GOLGA5: variants seen among roughly 807,000 people sequenced by gnomAD.
GOLGA5 encodes golgin A5.
In GOLGA5, 50 loss-of-function variants were observed where a neutral mutation model predicts 93.5. The observed-to-expected ratio is 0.53, with a 90% confidence interval of 0.43 to 0.68. The LOEUF is 0.68. Among genes scored for constraint, GOLGA5 ranks in the 30% least tolerant of loss-of-function variants. The probability of loss-of-function intolerance (pLI) is 0.00; values close to 1 mark genes in which losing one functional copy is unlikely to be tolerated. For missense variants in GOLGA5, 760 were observed against 856.4 expected, an observed-to-expected ratio of 0.89 and a Z score of 1.40; for synonymous variants, 312 against 304.5, an observed-to-expected ratio of 1.02 and a Z score of -0.26.
At chr14:92,815,919 A>G (rs1053514090) in intron 6 of GOLGA5, among the ~76,000 whole-genome samples, 20 of 151,656 alleles carry the variant, frequency 1.3e-4, no homozygotes, top group African/African-American at 4.6e-4. Context: ...ATTAGCCAGG[A>G]TGGTCTCGAC....
intron 9 of GOLGA5, among the ~76,000 whole-genome samples, chr14:92,829,441 A>G (rs1213489055): frequency 6.6e-6 from 1 of 152,144 alleles, no homozygotes; most frequent in Non-Finnish European, 1.5e-5. Context: ...AGGAGTGTGG[A>G]AGAAGCTGAT....
intron 10 of GOLGA5, among the ~76,000 whole-genome samples, chr14:92,834,040 T>G (rs1285160676): frequency 1.3e-5 from 2 of 151,566 alleles, no homozygotes; most frequent in Admixed American, 6.6e-5. Context: ...TAATTGTTAA[T>G]TACAAGTAAA....
intron 6 of GOLGA5, among the ~76,000 whole-genome samples, chr14:92,814,134 T>G (rs1885156212): frequency 6.6e-6 from 1 of 151,834 alleles, no homozygotes; most frequent in African/African-American, 2.4e-5. Flanking sequence ...TAATTAGAAG[T>G]AAGTTGGGAG....
At chr14:92,819,602 C>A in intron 7 of GOLGA5, 106 bp from the exon 8 acceptor site, 1 of 1,055,724 alleles carries the variant, frequency 9.5e-7, no homozygotes, top group Non-Finnish European at 1.4e-6. Flanking sequence ...CACTGCACTC[C>A]AGCCTGGGTG....
intron 2 of GOLGA5, among the ~76,000 whole-genome samples, chr14:92,802,151 A>T (rs1384883091): frequency 6.6e-6 from 1 of 152,180 alleles, no homozygotes; most frequent in Non-Finnish European, 1.5e-5. Flanking sequence ...GAGTTTTCTT[A>T]TCCACCAATG....
intron 9 of GOLGA5, among the ~76,000 whole-genome samples, chr14:92,825,449 G>A (rs1321994239): frequency 1.3e-5 from 2 of 152,204 alleles, no homozygotes; most frequent in African/African-American, 4.8e-5. Context: ...GTCACGTGAT[G>A]TGCTAGCAGA....
Position 92,831,770 on chromosome 14 carries a change from G to T in GOLGA5, c.1720-1352G>T, listed in dbSNP as rs1251583681. Among the ~76,000 whole-genome samples, 7 of 152,104 alleles carry T rather than the reference G, an allele frequency of 4.6e-5. No homozygotes were observed. The East Asian group carries it at 1.2e-3, about 25-fold the overall frequency. ...AAATTCCATCTGGTAGTTATTTGTT[G>T]TGGTGTGCTTAATTTGTGGGGAGTG... On this transcript the variant is annotated intron_variant, in intron 9 of 12. Transcript: ENST00000163416.
At chr14:92,836,744 C>G (rs1341970661) in intron 11 of GOLGA5, among the ~76,000 whole-genome samples, 1 of 152,116 alleles carries the variant, frequency 6.6e-6, no homozygotes, top group Admixed American at 6.5e-5. Flanking sequence ...CCCACCTAAT[C>G]TTTCGTAACT....
chr14:92,806,316 T>G (rs900001482), intron 2 of GOLGA5, among the ~76,000 whole-genome samples: 3 of 152,178 alleles, frequency 2.0e-5, no homozygotes, highest in Non-Finnish European at 4.4e-5. Context: ...TGTTTATTTA[T>G]GTATTTTTTT....
chr14:92,830,905 ATAACTTTT>A (rs1201070479), intron 9 of GOLGA5, among the ~76,000 whole-genome samples: 2 of 152,170 alleles, frequency 1.3e-5, no homozygotes, highest in African/African-American at 4.8e-5. Context: ...TGGCCTAAAT[ATAACTTTT>A]ATATGCACTG....
chr14:92,836,706 CTT>C (rs1162535115), intron 11 of GOLGA5, among the ~76,000 whole-genome samples: 1 of 152,092 alleles, frequency 6.6e-6, no homozygotes, highest in Non-Finnish European at 1.5e-5. Context: ...CAACCAGACT[CTT>C]TTTTTCCCCA....
intron 9 of GOLGA5, among the ~76,000 whole-genome samples, chr14:92,828,793 C>T (rs1885470468): frequency 6.6e-6 from 1 of 152,144 alleles, no homozygotes; most frequent in Admixed American, 6.5e-5. Context: ...CTTGGTCTCC[C>T]AAGTAACTGG....
intron 5 of GOLGA5, 115 bp from the exon 6 acceptor site, chr14:92,811,436 C>T: frequency 1.3e-6 from 1 of 741,848 alleles, no homozygotes; most frequent in Non-Finnish European, 2.3e-6. Context: ...TTTCCCATCC[C>T]TACTATGTTG....
At position 92,812,826 on chromosome 14, in the gene GOLGA5, C is replaced by T. The variant is rs1885129964; in HGVS notation, c.1320+1072C>T. Among the ~76,000 whole-genome samples, 7 of 152,270 alleles carry T rather than the reference C, an allele frequency of 4.6e-5. No individual in the cohort carries two copies. In the South Asian group the frequency reaches 1.2e-3, roughly 27 times the overall value. On this transcript the variant is annotated intron_variant, in intron 6 of 12. Coordinates refer to ENST00000163416, the MANE Select transcript of GOLGA5 (RefSeq NM_005113.4). Reference sequence around the variant, plus strand: ...CCAATCTCCAAAGAGTCAGAGTCCTCCTAAGCTCTGTCCTGAACCCTCTTT... The same window carrying T: ...CCAATCTCCAAAGAGTCAGAGTCCTTCTAAGCTCTGTCCTGAACCCTCTTT...
chr14:92,807,017 A>G (rs1885001870), intron 3 of GOLGA5, 54 bp downstream of exon 3: 1 of 1,264,028 alleles, frequency 7.9e-7, no homozygotes, highest in Non-Finnish European at 1.2e-6. Context: ...AATAAACTTA[A>G]GGCTGGACGC....
rs760408276 is a variant in GOLGA5 at position 92,809,474 on chromosome 14, G to A, written c.947G>A (p.Ser316Asn). 1 of 1,613,826 alleles carries A rather than the reference G, an allele frequency of 6.2e-7. No individual in the cohort carries two copies. The highest frequency in any genetic ancestry group is 8.5e-7 in the Non-Finnish European group (1 of 1,179,898). The change falls in exon 4 of 13, where the codon AGT becomes AAT. Residue 316 changes from serine (S) to asparagine (N), a missense_variant. Transcript: ENST00000163416. ...VRLQEADQLL[S>N]TRTEALEALQ... ...CTCCAGGAAGCTGACCAGCTACTGA[G>A]TACTCGCACAGAAGCATTAGAAGCC...
At chr14:92,833,728 C>G (rs10141567) in intron 10 of GOLGA5, among the ~76,000 whole-genome samples, 12,233 of 152,122 alleles carry the variant, frequency 0.08, 1,692 homozygotes, top group African/African-American at 0.28. Context: ...GTTCACATAA[C>G]CATATCTAAA....
intron 11 of GOLGA5, among the ~76,000 whole-genome samples, chr14:92,835,871 T>C (rs549832123): frequency 2.0e-5 from 3 of 152,306 alleles, no homozygotes; most frequent in African/African-American, 2.4e-5. Context: ...ATTTGAAATA[T>C]CATGTCAGAA....
At chr14:92,827,290 C>T (rs866469848) in intron 9 of GOLGA5, among the ~76,000 whole-genome samples, 80 of 152,230 alleles carry the variant, frequency 5.3e-4, no homozygotes, top group African/African-American at 1.7e-3. Flanking sequence ...ATTTTTCCAA[C>T]AGCATATGCT....
Sources: allele counts gnomAD v4.1 joint callset (sites outside exome capture counted in the v4.1 genomes callset), GRCh38; gene constraint gnomAD v4.1.1; transcripts MANE v1.5; gene names NCBI Gene and HGNC (gene_info 2026-07-23, HGNC 2026-07-21).